Variants in CEP85L observed in about 807,000 individuals in gnomAD.
CEP85L encodes centrosomal protein 85L.
Under a neutral mutation model 100.3 loss-of-function variants are expected in CEP85L, and 60 were observed. The ratio of observed to expected loss-of-function variants is 0.60; its 90% confidence interval spans 0.49 to 0.74. CEP85L has a LOEUF of 0.74. CEP85L is among the 30% of genes least tolerant of loss of function. The probability of loss-of-function intolerance (pLI) is 0.00; values close to 1 mark genes in which losing one functional copy is unlikely to be tolerated. For missense variants in CEP85L, 973 were observed against 936.2 expected (o/e 1.04, Z -0.51); for synonymous variants, 319 against 322.7 (o/e 0.99, Z 0.12).
intron 2 of CEP85L, among the ~76,000 whole-genome samples, chr6:118,610,260 T>C (rs1019198932): frequency 2.6e-5 from 4 of 152,178 alleles, no homozygotes; most frequent in South Asian, 4.1e-4. Flanking sequence ...ACTAATTTTA[T>C]CTTCTGGGAA....
Position 118,565,556 on chromosome 6 carries a change from A to G in CEP85L, c.993T>C (p.Phe331=). ...APWQQQQIED[F]RQGSETPMQV... ...GCATTGGTGTTTCACTTCCTTGTCGAAAGTCTTCAATTTGCTGCTGTTGCC... is the reference window on the plus strand; with the variant it reads ...GCATTGGTGTTTCACTTCCTTGTCGGAAGTCTTCAATTTGCTGCTGTTGCC... Residue 331 remains phenylalanine (F), a synonymous_variant, in exon 3 of 13, where the codon TTT becomes TTC. Transcript: ENST00000368491. 1 of 1,614,172 alleles carries G rather than the reference A, an allele frequency of 6.2e-7. No individual in the cohort carries two copies. The highest frequency in any genetic ancestry group is 1.7e-5 in the Admixed American group (1 of 60,024).
intron 1 of CEP85L, among the ~76,000 whole-genome samples, chr6:118,667,588 T>C (rs1335240976): frequency 6.6e-6 from 1 of 152,208 alleles, no homozygotes; most frequent in East Asian, 1.9e-4. Flanking sequence ...TATTGGAGTT[T>C]TGCAATTTAA....
At chr6:118,557,040 T>C (rs1260310203) in intron 3 of CEP85L, among the ~76,000 whole-genome samples, 1 of 152,174 alleles carries the variant, frequency 6.6e-6, no homozygotes, top group South Asian at 2.1e-4. Context: ...GATATGTCTG[T>C]GGTAGTGAGA....
At chr6:118,674,135 G>A (rs1015447709) in intron 1 of CEP85L, among the ~76,000 whole-genome samples, 4 of 152,084 alleles carry the variant, frequency 2.6e-5, no homozygotes, top group African/African-American at 9.7e-5. Context: ...CCAAAAACAC[G>A]GATAACAATA....
At chr6:118,526,364 A>T (rs1776964931) in intron 3 of CEP85L, among the ~76,000 whole-genome samples, 1 of 152,164 alleles carries the variant, frequency 6.6e-6, no homozygotes, top group Non-Finnish European at 1.5e-5. Context: ...GTTACTCCCC[A>T]GCACAAGTGA....
intron 3 of CEP85L, among the ~76,000 whole-genome samples, chr6:118,547,074 A>T (rs1297792871): frequency 6.6e-6 from 1 of 152,146 alleles, no homozygotes; most frequent in East Asian, 1.9e-4. Flanking sequence ...CCCATAAGAA[A>T]GTGAAGTGGG....
At chr6:118,601,090 A>T (rs560504654) in intron 2 of CEP85L, among the ~76,000 whole-genome samples, 2 of 152,152 alleles carry the variant, frequency 1.3e-5, no homozygotes, top group African/African-American at 2.4e-5. Context: ...GAACATATAC[A>T]CTTTATGTAA....
chr6:118,475,575 C>T (rs916208332), intron 10 of CEP85L, among the ~76,000 whole-genome samples: 1 of 151,806 alleles, frequency 6.6e-6, no homozygotes, highest in Non-Finnish European at 1.5e-5. Context: ...AGGATGGTCT[C>T]GATCTCCTAA....
At chr6:118,486,917 C>G (rs1774224498) in intron 6 of CEP85L, among the ~76,000 whole-genome samples, 1 of 151,952 alleles carries the variant, frequency 6.6e-6, no homozygotes, top group Admixed American at 6.6e-5. Flanking sequence ...CAAAAATTAC[C>G]TGAAAGAATT....
At chr6:118,619,072 T>A (rs182902789) in intron 2 of CEP85L, among the ~76,000 whole-genome samples, 6 of 152,236 alleles carry the variant, frequency 3.9e-5, no homozygotes, top group African/African-American at 1.2e-4. Context: ...CCGAGCACAA[T>A]TGGACTGGAC....
At chr6:118,472,471 G>T (rs1773037292) in intron 10 of CEP85L, among the ~76,000 whole-genome samples, 1 of 152,128 alleles carries the variant, frequency 6.6e-6, no homozygotes, top group South Asian at 2.1e-4. Context: ...AGGTATGAGT[G>T]CTATAGTTGT....
chr6:118,548,520 A>C (rs1778343619), intron 3 of CEP85L: 1 of 152,130 alleles, frequency 6.6e-6, no homozygotes, highest in Non-Finnish European at 1.5e-5. Flanking sequence ...TAGGCAATAA[A>C]ATGACATGAC....
At chr6:118,644,690 CTTAA>C (rs912268265) in intron 1 of CEP85L, among the ~76,000 whole-genome samples, 4 of 152,174 alleles carry the variant, frequency 2.6e-5, no homozygotes, top group African/African-American at 7.2e-5. Flanking sequence ...TCCTCTTTCC[CTTAA>C]TTGACAACTC....
At chr6:118,478,010 C>T (rs759311183) in intron 10 of CEP85L, among the ~76,000 whole-genome samples, 5 of 151,940 alleles carry the variant, frequency 3.3e-5, no homozygotes, top group South Asian at 2.1e-4. Context: ...CCATTCTTTA[C>T]GTAAGTTGAT....
At chr6:118,503,784 T>C (rs1414792618) in intron 5 of CEP85L, among the ~76,000 whole-genome samples, 1 of 135,864 alleles carries the variant, frequency 7.4e-6, no homozygotes, top group East Asian at 2.0e-4. Context: ...TTTACAAAAA[T>C]TAATTCAAAA....
chr6:118,498,877 C>T (rs910049005), intron 5 of CEP85L, among the ~76,000 whole-genome samples: 8 of 152,056 alleles, frequency 5.3e-5, no homozygotes, highest in Admixed American at 3.9e-4. Flanking sequence ...ATAAGATACA[C>T]CTTAAAAAGA....
intron 5 of CEP85L, chr6:118,502,822 A>G (rs1350574242): frequency 1.4e-5 from 9 of 632,370 alleles, no homozygotes; most frequent in Admixed American, 6.3e-5. Context: ...ATGGAGTTCA[A>G]AAAGCAATGG....
intron 1 of CEP85L, among the ~76,000 whole-genome samples, chr6:118,670,045 C>G (rs1357244046): frequency 1.3e-5 from 2 of 151,396 alleles, no homozygotes; most frequent in African/African-American, 4.9e-5. Context: ...CTGAATTATT[C>G]CCAATTCTTC....
chr6:118,672,517 A>G (rs1226491638), intron 1 of CEP85L, among the ~76,000 whole-genome samples: 1 of 152,190 alleles, frequency 6.6e-6, no homozygotes, highest in African/African-American at 2.4e-5. Flanking sequence ...CTGTAATCCC[A>G]GCACTCTGGG....
Sources: gnomAD v4.1 joint callset for allele counts (sites outside exome capture counted in the v4.1 genomes callset) on GRCh38, gnomAD v4.1.1 for gene constraint, MANE v1.5 for transcripts, NCBI Gene and HGNC (gene_info 2026-07-23, HGNC 2026-07-21) for gene names.